The following EPB41L5 variants were observed in gnomAD, a reference collection of about 807,000 sequenced individuals.
EPB41L5 encodes erythrocyte membrane protein band 4.1 like 5, also known as band 4.1-like protein 5.
EPB41L5 carries 55 observed loss-of-function variants against 106.6 expected under a neutral mutation model. The observed-to-expected ratio is 0.52, with a 90% CI of 0.42 to 0.65. EPB41L5 has a LOEUF of 0.65. Ranked by LOEUF, EPB41L5 falls within the 30% of genes least tolerant of loss-of-function variation. EPB41L5 has a pLI of 0.00. For missense variants in EPB41L5, 871 were observed against 882.1 expected (o/e 0.99, Z 0.16); for synonymous variants, 297 against 306.7 (o/e 0.97, Z 0.33).
chr2:120,032,014 C>T (rs1019873130), intron 2 of EPB41L5, among the ~76,000 whole-genome samples: 3 of 152,000 alleles, frequency 2.0e-5, no homozygotes, highest in African/African-American at 7.2e-5. Context: ...GCATAAAGGA[C>T]GTTCTAAGCA....
chr2:120,059,726 G>C (rs139564324), intron 3 of EPB41L5, among the ~76,000 whole-genome samples: 2,627 of 151,990 alleles, frequency 0.017, 74 homozygotes, highest in African/African-American at 0.06. Context: ...AACATAGTGA[G>C]ACCTTGTCTC....
intron 13 of EPB41L5, 77 bp from the exon 14 acceptor site, chr2:120,093,172 A>G: frequency 8.6e-7 from 1 of 1,156,622 alleles, no homozygotes; most frequent in African/African-American, 1.5e-5. Context: ...CAATTAGTTA[A>G]AGTTTTGCTT....
At chr2:120,038,410 G>A (rs561085041) in intron 2 of EPB41L5, among the ~76,000 whole-genome samples, 3 of 152,352 alleles carry the variant, frequency 2.0e-5, no homozygotes, top group Admixed American at 1.3e-4. Flanking sequence ...AACTGGAATT[G>A]TTATACACTT....
intron 21 of EPB41L5, among the ~76,000 whole-genome samples, chr2:120,164,518 A>G (rs1053729346): frequency 5.9e-5 from 9 of 152,126 alleles, no homozygotes; most frequent in African/African-American, 2.2e-4. Context: ...AGCCAAAATA[A>G]TTTTTTTGTA....
At position 120,175,777 on chromosome 2, in the gene EPB41L5, G is replaced by A. The variant is rs879358491; in HGVS notation, c.*870G>A. The stretch of plus-strand genomic sequence containing the variant: ...TCTCAGGTAATGAAGGCACAGCACA[G>A]CAGTACTCCACATTGTTTCCTATTT... On this transcript the variant is annotated 3_prime_UTR_variant, in exon 25 of 25. Transcript: ENST00000263713. 1 of 152,036 alleles carries A rather than the reference G, an allele frequency of 6.6e-6. No individual in the cohort carries two copies. The highest frequency in any genetic ancestry group is 2.4e-5 in the African/African-American group (1 of 41,366). 9.4% of individuals were successfully genotyped at this position (152,036 alleles called of 1,614,324 possible). A position where few individuals can be genotyped will look rare whatever the true frequency, so the allele number is the denominator to read the frequency against.
At chr2:120,013,288 C>G (rs1347739241) in intron 1 of EPB41L5, 78 bp downstream of exon 1, 2 of 152,298 alleles carry the variant, frequency 1.3e-5, no homozygotes, top group African/African-American at 4.8e-5. Context: ...CTCGCCCGCG[C>G]CTGCGGTAGC....
rs1238428485 is a variant in EPB41L5, at chr2:120,167,523, T to C, written c.2004+16T>C. On this transcript the variant is annotated intron_variant, in intron 23 of 24. Coordinates refer to ENST00000263713, the MANE Select transcript of EPB41L5 (RefSeq NM_020909.4). ...GATTGTTCCGGTAAGTTCATGTTAT[T>C]TGTGATTTTTCTTCTGGCTACCCTT... The C allele has an allele frequency of 1.9e-6, 3 of 1,613,258 alleles. No individual in the cohort carries two copies. Among genetic ancestry groups the C allele is most frequent in the Admixed American group, 1.7e-5 (1 of 59,994 alleles).
In EPB41L5 at chr2:120,078,537, A is replaced by G; in HGVS notation, c.759A>G (p.Gly253=). ...ATAGTTTGGGACTAACACCAACAGG[A>G]GTCCTTGTTTTTGAAGGAGATACCA... is the stretch of plus-strand genomic sequence containing the variant. ...NDYSLGLTPT[G]VLVFEGDTKI... Residue 253 remains glycine (G), a synonymous_variant, in exon 10 of 25, where the codon GGA becomes GGG. Transcript: ENST00000263713. 1 of 1,608,484 alleles carries G rather than the reference A, an allele frequency of 6.2e-7. No individual in the cohort carries two copies. Among genetic ancestry groups the G allele is most frequent in the Non-Finnish European group, 8.5e-7 (1 of 1,177,380 alleles).
intron 16 of EPB41L5, among the ~76,000 whole-genome samples, chr2:120,120,649 A>G (rs1011158168): frequency 6.6e-6 from 1 of 152,228 alleles, no homozygotes; most frequent in East Asian, 1.9e-4. Flanking sequence ...GAAACAGACC[A>G]TCTAGGCTGT....
intron 3 of EPB41L5, among the ~76,000 whole-genome samples, chr2:120,049,131 A>G (rs1425427028): frequency 6.6e-6 from 1 of 152,188 alleles, no homozygotes; most frequent in African/African-American, 2.4e-5. Context: ...AGAAGAATGT[A>G]TATTCTGCTG....
intron 16 of EPB41L5, chr2:120,104,280 A>C: frequency 1.3e-6 from 2 of 1,518,008 alleles, no homozygotes; most frequent in Non-Finnish European, 1.8e-6. Flanking sequence ...TTGTCATGCA[A>C]GTTGATGGTA....
intron 16 of EPB41L5, among the ~76,000 whole-genome samples, chr2:120,109,554 C>T (rs956170106): frequency 2.6e-5 from 4 of 152,212 alleles, no homozygotes; most frequent in African/African-American, 9.6e-5. Context: ...CATCCATACT[C>T]TAAGGCCCAG....
At position 120,022,929 on chromosome 2, in the gene EPB41L5, C is replaced by T. The variant is rs1054145790; in HGVS notation, c.180+3665C>T. Among the ~76,000 whole-genome samples the T allele has an allele frequency of 2.0e-5, 3 of 152,104 alleles. No homozygotes were observed. The East Asian group carries it at 5.8e-4, about 29-fold the overall frequency. On this transcript the variant is annotated intron_variant, in intron 2 of 24. Transcript: ENST00000263713. ...TTTTGATTTGCATTTCTCTAATGGC[C>T]AGTGATGATGAGCTTTTTTTCATAT...
intron 10 of EPB41L5, among the ~76,000 whole-genome samples, chr2:120,083,416 T>C (rs1682826027): frequency 6.6e-6 from 1 of 152,198 alleles, no homozygotes; most frequent in African/African-American, 2.4e-5. Flanking sequence ...TGAGTGGTTT[T>C]GAGTGTTTCT....
intron 2 of EPB41L5, among the ~76,000 whole-genome samples, chr2:120,029,274 C>T (rs1335697864): frequency 6.6e-6 from 1 of 152,194 alleles, no homozygotes. Flanking sequence ...AAGCAGTTCT[C>T]CTGCCTCAGC....
Position 120,075,717 on chromosome 2 carries a change from G to A in EPB41L5, c.469G>A (p.Asp157Asn), listed in dbSNP as rs1558850699. The A allele has an allele frequency of 6.2e-7, 1 of 1,613,614 alleles. No individual in the cohort carries two copies. The highest frequency in any genetic ancestry group is 2.2e-5 in the East Asian group (1 of 44,802). The change falls in exon 7 of 25, where the codon GAT becomes AAT. Residue 157 changes from aspartate (D) to asparagine (N), a missense_variant. Asp to Asn is a conservative substitution (Grantham distance 23). Transcript: ENST00000263713. ...ILSGKLDCPF[D>N]TAVQLAAYNL... ...TGGTCTCAGATTAGACTGTCCCTTT[G>A]ATACAGCAGTGCAATTGGCAGCTTA...
At chr2:120,098,166 G>GTGTGTGTGTGTGTA (rs1683888333) in intron 14 of EPB41L5, among the ~76,000 whole-genome samples, 1 of 150,770 alleles carries the variant, frequency 6.6e-6, no homozygotes, top group East Asian at 2.0e-4. Context: ...TTGTGTGTGT[G>GTGTGTGTGTGTGTA]TGTGTGTGTG....
chr2:120,068,967 A>G (rs1229106236), intron 3 of EPB41L5, among the ~76,000 whole-genome samples: 2 of 151,826 alleles, frequency 1.3e-5, no homozygotes, highest in Admixed American at 6.6e-5. Context: ...GTCTCTACTA[A>G]AAATTCAAAA....
At chr2:120,074,208 G>A (rs748810844) in intron 5 of EPB41L5, 30 bp downstream of exon 5, 2 of 1,533,514 alleles carry the variant, frequency 1.3e-6, no homozygotes, top group South Asian at 2.4e-5. Context: ...TTGTGCCAGG[G>A]TTATTTTGAT....
Sources: allele counts gnomAD v4.1 joint callset (sites outside exome capture counted in the v4.1 genomes callset), GRCh38; gene constraint gnomAD v4.1.1; transcripts MANE v1.5; gene names NCBI Gene and HGNC (gene_info 2026-07-23, HGNC 2026-07-21).